Variants in VPS37A observed in about 807,000 individuals in gnomAD.
The protein encoded by VPS37A is VPS37A subunit of ESCRT-I, also known as vacuolar protein sorting-associated protein 37A.
Under a neutral mutation model 49.8 loss-of-function variants are expected in VPS37A, and 30 were observed. The observed-to-expected ratio is 0.60, with a 90% CI of 0.45 to 0.82. The LOEUF (loss-of-function observed/expected upper bound fraction) is 0.82, where lower values mean the gene tolerates loss of function less well. Ranked by LOEUF, VPS37A falls within the 40% of genes least tolerant of loss-of-function variation. The pLI is 0.00. For missense variants in VPS37A, 593 were observed against 464.4 expected, an observed-to-expected ratio of 1.28 and a Z score of -2.55; for synonymous variants, 195 against 160.6, an observed-to-expected ratio of 1.21 and a Z score of -1.62.
At chr8:17,259,777 AT>A (rs1239492859) in intron 1 of VPS37A, among the ~76,000 whole-genome samples, 1 of 152,004 alleles carries the variant, frequency 6.6e-6, no homozygotes, top group Non-Finnish European at 1.5e-5. Flanking sequence ...GATATTTCTA[AT>A]TGTTATATCT....
At position 17,297,903 on chromosome 8, in the gene VPS37A, T is replaced by G. The variant is rs1190847849; in HGVS notation, c.*2917T>G. The G allele has an allele frequency of 6.6e-6, 1 of 152,020 alleles. No individual in the cohort carries two copies. Among genetic ancestry groups the G allele is most frequent in the Non-Finnish European group, 1.5e-5 (1 of 67,904 alleles). The allele number at this position is 152,020 out of a possible 1,614,324, so 9.4% of individuals were successfully genotyped here. ...TTATAATGTCTGTCTTGTAAAAAAG[T>G]TGAGGGGACTAAAAGTTTATGACTC... On this transcript the variant is annotated 3_prime_UTR_variant, in exon 12 of 12. Coordinates refer to ENST00000324849, the MANE Select transcript of VPS37A (RefSeq NM_152415.3).
At chr8:17,291,364 C>T (rs1484109197) in intron 11 of VPS37A, among the ~76,000 whole-genome samples, 1 of 151,056 alleles carries the variant, frequency 6.6e-6, no homozygotes, top group African/African-American at 2.4e-5. Context: ...TCTCTCTTTT[C>T]TTCTTTTTTA....
chr8:17,265,234 A>G (rs1813335946), intron 1 of VPS37A, among the ~76,000 whole-genome samples: 1 of 152,184 alleles, frequency 6.6e-6, no homozygotes, highest in Non-Finnish European at 1.5e-5. Flanking sequence ...GGAAGGGCAA[A>G]ATGGGCTCAT....
chr8:17,286,443 A>T lies in VPS37A; in HGVS notation c.*16A>T, dbSNP rs1283917717. The T allele has an allele frequency of 6.2e-7, 1 of 1,609,460 alleles. No homozygotes were observed. On this transcript the variant is annotated intron_variant, in intron 11 of 11. Transcript: ENST00000324849. ...TCCACTATAGGTAAATTGTATTTCA[A>T]GTTTGAGTCTCAAGGTGATTGCATC...
the VPS37A span, chr8:17,331,264 G>A: frequency 3.1e-6 from 5 of 1,607,520 alleles, no homozygotes; most frequent in Middle Eastern, 1.6e-4. Context: ...CCTGCAGCAC[G>A]ATTTGCCATT....
At chr8:17,302,424 G>C (rs1817178607), downstream of VPS37A, 5 of 828,386 alleles carry the variant, frequency 6.0e-6, no homozygotes, top group Non-Finnish European at 8.9e-6. Flanking sequence ...ACTACTTAAG[G>C]TAATAATTTC....
the VPS37A span, chr8:17,313,471 TA>T: frequency 5.9e-6 from 6 of 1,016,104 alleles, no homozygotes; most frequent in African/African-American, 8.0e-5. Flanking sequence ...TCATGTTTTA[TA>T]GGTAGTTTGT....
intron 6 of VPS37A, chr8:17,279,681 G>A (rs1349536768): frequency 5.0e-6 from 2 of 401,420 alleles, no homozygotes; most frequent in South Asian, 3.8e-5. Context: ...TTCATACATT[G>A]TTCTTTACCT....
chr8:17,267,853 C>A (rs1465234035), intron 2 of VPS37A, among the ~76,000 whole-genome samples: 3 of 152,058 alleles, frequency 2.0e-5, no homozygotes, highest in East Asian at 1.9e-4. Flanking sequence ...AGTAGAAAAA[C>A]CACAGAAAAT....
the VPS37A span, chr8:17,311,619 C>T: frequency 1.5e-5 from 25 of 1,613,980 alleles, no homozygotes; most frequent in Non-Finnish European, 2.0e-5. Context: ...GCACACTTGC[C>T]CCTTCCTCTG....
At chr8:17,264,523 A>G (rs1813268984) in intron 1 of VPS37A, among the ~76,000 whole-genome samples, 1 of 152,210 alleles carries the variant, frequency 6.6e-6, no homozygotes, top group Admixed American at 6.5e-5. Context: ...TTAGGATATC[A>G]GAGAGGAAAG....
At chr8:17,278,366 TGAA>T (rs1432117821) in intron 6 of VPS37A, among the ~76,000 whole-genome samples, 2 of 152,144 alleles carry the variant, frequency 1.3e-5, no homozygotes, top group African/African-American at 4.8e-5. Flanking sequence ...AATTACTCTA[TGAA>T]GAACTTGACT....
downstream of VPS37A, chr8:17,300,353 T>C: frequency 9.4e-7 from 1 of 1,064,200 alleles, no homozygotes; most frequent in Non-Finnish European, 1.3e-6. Context: ...CAGAGGGATG[T>C]GAGTTCAAAC....
intron 1 of VPS37A, among the ~76,000 whole-genome samples, chr8:17,261,714 C>T (rs1328935735): frequency 2.6e-5 from 4 of 152,194 alleles, no homozygotes; most frequent in Non-Finnish European, 5.9e-5. Context: ...GTACCTGGAG[C>T]AGTGCCCATC....
intron 11 of VPS37A, among the ~76,000 whole-genome samples, chr8:17,291,246 C>CA (rs1013957335): frequency 2.0e-5 from 3 of 152,140 alleles, no homozygotes; most frequent in African/African-American, 7.2e-5. Flanking sequence ...CTCCTGACCT[C>CA]AGGTGATCCA....
At chr8:17,311,665 A>G in the VPS37A span, 1 of 1,613,804 alleles carries the variant, frequency 6.2e-7, no homozygotes. Flanking sequence ...GCAAAGAGTC[A>G]CAAAGAATGG....
the VPS37A span, chr8:17,311,534 A>C: frequency 1.2e-6 from 2 of 1,614,166 alleles, no homozygotes; most frequent in East Asian, 4.5e-5. Context: ...AGAGTCCGGT[A>C]GTGAGGGTCC....
the VPS37A span, among the ~76,000 whole-genome samples, chr8:17,317,088 G>T: frequency 2.0e-5 from 3 of 152,130 alleles, no homozygotes; most frequent in Non-Finnish European, 1.5e-5. Flanking sequence ...TTTCTTCTCT[G>T]AATGTTGTTT....
chr8:17,332,265 T>G, the VPS37A span, among the ~76,000 whole-genome samples: 1 of 152,194 alleles, frequency 6.6e-6, no homozygotes, highest in Non-Finnish European at 1.5e-5. Context: ...CAATAGTACT[T>G]TTTAAAAGCT....
Sources: allele counts gnomAD v4.1 joint callset (sites outside exome capture counted in the v4.1 genomes callset), GRCh38; gene constraint gnomAD v4.1.1; transcripts MANE v1.5; gene names NCBI Gene and HGNC (gene_info 2026-07-23, HGNC 2026-07-21).